MKLN1: variants seen among roughly 807,000 people sequenced by gnomAD.
MKLN1 encodes muskelin.
A neutral mutation model predicts 99.0 loss-of-function variants in MKLN1; 18 were observed. That is an observed-to-expected ratio of 0.18 (90% CI 0.13 to 0.27). The LOEUF (loss-of-function observed/expected upper bound fraction) is 0.27, where lower values mean the gene tolerates loss of function less well. MKLN1 is among the 10% of genes least tolerant of loss of function. The pLI is 1.00. For missense variants in MKLN1, 621 were observed against 875.9 expected (o/e 0.71, Z 3.67); for synonymous variants, 288 against 293.2 (o/e 0.98, Z 0.18).
intron 3 of MKLN1, among the ~76,000 whole-genome samples, chr7:131,251,305 G>C (rs532757653): frequency 6.6e-6 from 1 of 152,242 alleles, no homozygotes; most frequent in Non-Finnish European, 1.5e-5. Flanking sequence ...ACCTTATTGT[G>C]CTGCAACAAC....
rs561197014 is a variant in MKLN1, at chr7:131,221,997, C to T, written c.-179+19023C>T. 5.3e-5 allele frequency among the ~76,000 whole-genome samples: 8 copies of T among 150,434 alleles called. No homozygotes were observed. The East Asian group carries it at 1.2e-3, about 22-fold the overall frequency. On this transcript the variant is annotated intron_variant, in intron 3 of 7. Coordinates refer to the MKLN1 transcript ENST00000416992. ...CTCGGCTCACTGCAACCTCCGCCTCCTGGGTTCAAGCAATTTTCCTACCTT... is the reference window on the plus strand; with the variant it reads ...CTCGGCTCACTGCAACCTCCGCCTCTTGGGTTCAAGCAATTTTCCTACCTT...
intron 2 of MKLN1, among the ~76,000 whole-genome samples, chr7:131,151,742 A>G (rs554384829): frequency 6.6e-6 from 1 of 152,194 alleles, no homozygotes; most frequent in Non-Finnish European, 1.5e-5. Context: ...TCACCAAGTC[A>G]CCCATAATTC....
At chr7:131,426,013 A>G (rs1372854549) in intron 8 of MKLN1, among the ~76,000 whole-genome samples, 1 of 152,212 alleles carries the variant, frequency 6.6e-6, no homozygotes, top group Non-Finnish European at 1.5e-5. Context: ...CAGAAGGCTC[A>G]GTTTCCATCC....
chr7:131,225,288 C>T (rs1018964500), intron 3 of MKLN1, among the ~76,000 whole-genome samples: 1 of 152,160 alleles, frequency 6.6e-6, no homozygotes, highest in Non-Finnish European at 1.5e-5. Context: ...TGTGTCTCCA[C>T]ATGGTGGAAG....
At chr7:131,221,206 G>C (rs1006444479) in intron 3 of MKLN1, among the ~76,000 whole-genome samples, 4 of 143,852 alleles carry the variant, frequency 2.8e-5, no homozygotes, top group African/African-American at 1.0e-4. Flanking sequence ...TACAGACATG[G>C]AGCCTGGAAA....
At position 131,192,162 on chromosome 7, in the gene MKLN1, C is replaced by A. The variant is rs1563247404; in HGVS notation, c.-296-10695C>A. Among the ~76,000 whole-genome samples, 23 of 105,256 alleles carry A rather than the reference C, an allele frequency of 2.2e-4. 5 individuals are homozygous for A. The highest frequency in any genetic ancestry group is 8.8e-4 in the African/African-American group (20 of 22,612). The allele number at this position is 105,256 out of a possible 152,430, so 69.1% of individuals were successfully genotyped here. ...ATATATACGTATATATACATATATA[C>A]TTATGTATAATATATAAAAATATAT... On this transcript the variant is annotated intron_variant, in intron 2 of 7. Transcript: ENST00000416992.
At chr7:131,274,583 G>T (rs577291290) in intron 3 of MKLN1, among the ~76,000 whole-genome samples, 1 of 149,272 alleles carries the variant, frequency 6.7e-6, no homozygotes. Flanking sequence ...GGTCAAGGCT[G>T]CAGTGAACCA....
At chr7:131,484,593 G>A (rs1356970338) in intron 17 of MKLN1, among the ~76,000 whole-genome samples, 1 of 151,976 alleles carries the variant, frequency 6.6e-6, no homozygotes, top group East Asian at 1.9e-4. Context: ...TCAAGAAAAT[G>A]GTGTTACTTT....
intron 1 of MKLN1, among the ~76,000 whole-genome samples, chr7:131,130,294 G>A (rs1795529893): frequency 6.6e-6 from 1 of 152,134 alleles, no homozygotes; most frequent in Non-Finnish European, 1.5e-5. Flanking sequence ...TTTTTAAAAG[G>A]GAAAATGGTG....
chr7:131,156,687 G>A (rs117554921), intron 2 of MKLN1, among the ~76,000 whole-genome samples: 317 of 152,212 alleles, frequency 2.1e-3, no homozygotes, highest in Non-Finnish European at 3.6e-3. Context: ...CTGCTAAGCC[G>A]CGATGTGCAG....
chr7:131,226,404 G>A (rs1355358629), intron 3 of MKLN1, among the ~76,000 whole-genome samples: 1 of 152,204 alleles, frequency 6.6e-6, no homozygotes, highest in African/African-American at 2.4e-5. Flanking sequence ...AACGCCATTA[G>A]GGCTTTCAGA....
chr7:131,136,845 C>T (rs993278468), intron 1 of MKLN1, among the ~76,000 whole-genome samples: 1 of 152,188 alleles, frequency 6.6e-6, no homozygotes, highest in African/African-American at 2.4e-5. Context: ...TGCAGGAGGC[C>T]TTCCTCACCC....
intron 3 of MKLN1, among the ~76,000 whole-genome samples, chr7:131,318,794 C>T (rs2116656303): frequency 6.6e-6 from 1 of 152,216 alleles, no homozygotes; most frequent in East Asian, 1.9e-4. Context: ...ATACAAACTA[C>T]CATCAGAGAA....
At chr7:131,404,378 A>G (rs1794639314) in intron 6 of MKLN1, among the ~76,000 whole-genome samples, 2 of 152,142 alleles carry the variant, frequency 1.3e-5, no homozygotes, top group Admixed American at 1.3e-4. Context: ...ACTGGAGTAC[A>G]GTGGCATGAT....
intron 3 of MKLN1, among the ~76,000 whole-genome samples, chr7:131,277,169 C>T (rs778538271): frequency 9.2e-5 from 14 of 151,958 alleles, no homozygotes; most frequent in East Asian, 1.9e-4. Flanking sequence ...GGGAAGGGAA[C>T]GGTGAACAGA....
intron 2 of MKLN1, among the ~76,000 whole-genome samples, chr7:131,199,298 C>T (rs1682735570): frequency 6.6e-6 from 1 of 151,896 alleles, no homozygotes; most frequent in Non-Finnish European, 1.5e-5. Flanking sequence ...AATATGTTGC[C>T]CAGACTGGAG....
rs755973423 is a variant in MKLN1 at position 131,437,966 on chromosome 7, A to T, written c.1142A>T (p.Asp381Val). ...TTACTAAGTGAGGATACTGCTGCTG[A>T]TGGAGGGCCGAAATTGGTGTTTGAT... ...WMLLSEDTAA[D>V]GGPKLVFDHQ... Residue 381 changes from aspartate to valine, a missense_variant, in exon 10 of 18, where the codon GAT becomes GTT. Asp to Val is a radical substitution (Grantham distance 152). Coordinates refer to ENST00000352689, the MANE Select transcript of MKLN1 (RefSeq NM_013255.5). 4.3e-6 allele frequency: 7 copies of T among 1,613,934 alleles called. No individual in the cohort carries two copies. In the East Asian group the frequency reaches 1.6e-4, roughly 36 times the overall value.
At chr7:131,278,462 A>G (rs1169256838) in intron 3 of MKLN1, among the ~76,000 whole-genome samples, 4 of 152,164 alleles carry the variant, frequency 2.6e-5, no homozygotes, top group African/African-American at 9.7e-5. Flanking sequence ...AAGCTTGTCC[A>G]GCTTTGAAGA....
chr7:131,366,768 C>T (rs1800195034), intron 1 of MKLN1, among the ~76,000 whole-genome samples: 1 of 152,180 alleles, frequency 6.6e-6, no homozygotes, highest in Admixed American at 6.5e-5. Context: ...GCTAAGATTG[C>T]ACCACTGCAC....
Sources: gnomAD v4.1 joint callset for allele counts (sites outside exome capture counted in the v4.1 genomes callset) on GRCh38, gnomAD v4.1.1 for gene constraint, MANE v1.5 for transcripts, NCBI Gene and HGNC (gene_info 2026-07-23, HGNC 2026-07-21) for gene names.